DNAH7: variants seen among roughly 807,000 people sequenced by gnomAD.
DNAH7 encodes dynein axonemal heavy chain 7.
In DNAH7, 397 loss-of-function variants were observed where a neutral mutation model predicts 444.6. That is an observed-to-expected ratio of 0.89 (90% confidence interval 0.82 to 0.97). The LOEUF is 0.97. Among genes scored for constraint, DNAH7 ranks in the 50% least tolerant of loss-of-function variants. The probability of loss-of-function intolerance (pLI) is 0.00; values close to 1 mark genes in which losing one functional copy is unlikely to be tolerated. For missense variants in DNAH7, 4,902 were observed against 4,800.8 expected (o/e 1.02, Z -0.62); for synonymous variants, 1,636 against 1,624.4 (o/e 1.01, Z -0.17).
intron 61 of DNAH7, among the ~76,000 whole-genome samples, chr2:195,764,735 A>C (rs1694496532): frequency 6.6e-6 from 1 of 152,100 alleles, no homozygotes; most frequent in Non-Finnish European, 1.5e-5. Context: ...AAATTGAAGA[A>C]GACACAGTAA....
chr2:195,940,123 T>C (rs1234591879), intron 19 of DNAH7, among the ~76,000 whole-genome samples: 2 of 152,134 alleles, frequency 1.3e-5, no homozygotes, highest in Non-Finnish European at 2.9e-5. Context: ...CTTCAAACTA[T>C]ACTACAAGGC....
intron 8 of DNAH7, among the ~76,000 whole-genome samples, chr2:196,020,429 C>A (rs777923188): frequency 6.6e-6 from 1 of 151,956 alleles, no homozygotes; most frequent in African/African-American, 2.4e-5. Flanking sequence ...TAAACATTTA[C>A]ATTTTCTGTG....
intron 20 of DNAH7, among the ~76,000 whole-genome samples, chr2:195,935,053 C>T (rs994117550): frequency 4.6e-5 from 7 of 152,148 alleles, no homozygotes; most frequent in South Asian, 2.1e-4. Flanking sequence ...GAGACAACCA[C>T]GAGGCTTTGT....
chr2:196,004,884 C>T (rs1694264378), intron 10 of DNAH7, among the ~76,000 whole-genome samples: 1 of 149,166 alleles, frequency 6.7e-6, no homozygotes, highest in African/African-American at 2.5e-5. Flanking sequence ...TGGCTTGGGC[C>T]CAGGAGGTCA....
chr2:195,979,156 T>C (rs934002102), intron 15 of DNAH7, among the ~76,000 whole-genome samples: 10 of 152,156 alleles, frequency 6.6e-5, no homozygotes, highest in Non-Finnish European at 1.5e-4. Flanking sequence ...TTTCATCCAA[T>C]GGCTGCAAAA....
chr2:195,921,334 G>T (rs879804593), intron 24 of DNAH7, among the ~76,000 whole-genome samples: 1 of 143,640 alleles, frequency 7.0e-6, no homozygotes, highest in Non-Finnish European at 1.5e-5. Flanking sequence ...TCAATGAGTG[G>T]ATAAAGAAAA....
intron 63 of DNAH7, 150 bp downstream of exon 63, chr2:195,754,187 C>G (rs1032527934): frequency 3.7e-6 from 3 of 807,454 alleles, no homozygotes; most frequent in African/African-American, 3.5e-5. Flanking sequence ...CTCATTTGCT[C>G]TCTGTATCTC....
chr2:195,947,096 T>C (rs1414871407), intron 19 of DNAH7, among the ~76,000 whole-genome samples: 1 of 147,982 alleles, frequency 6.8e-6, no homozygotes, highest in Non-Finnish European at 1.5e-5. Flanking sequence ...TATATATTTA[T>C]ATAATTATAA....
intron 36 of DNAH7, among the ~76,000 whole-genome samples, chr2:195,879,961 T>G (rs567379302): frequency 1.6e-4 from 24 of 152,338 alleles, no homozygotes; most frequent in African/African-American, 5.8e-4. Context: ...TGTCTTCAGT[T>G]AATTTTTTTT....
chr2:195,882,324 A>G (rs2125177246), intron 35 of DNAH7, among the ~76,000 whole-genome samples: 1 of 152,346 alleles, frequency 6.6e-6, no homozygotes, highest in South Asian at 2.1e-4. Context: ...CAATAGGCTA[A>G]AGAGTAAAGA....
chr2:195,957,164 G>C, intron 19 of DNAH7, 97 bp downstream of exon 19: 1 of 1,032,236 alleles, frequency 9.7e-7, no homozygotes, highest in Non-Finnish European at 1.3e-6. Context: ...ACAGATAATG[G>C]CTTATTGGAA....
At chr2:195,799,549 G>C (rs185897629) in intron 54 of DNAH7, 77 bp from the exon 55 acceptor site, 1 of 1,320,198 alleles carries the variant, frequency 7.6e-7, no homozygotes, top group East Asian at 2.6e-5. Context: ...ATTCAAAGGA[G>C]TTTTAAAACA....
chr2:195,988,092 A>G lies in DNAH7; in HGVS notation c.1491T>C (p.Tyr497=). The change falls in exon 13 of 65, where the codon TAT becomes TAC. Residue 497 remains tyrosine, a synonymous_variant. Transcript: ENST00000312428. ...CAGCTTTTCTGGTAATTAAAAAGTCATACTTGTCATAGAGTCTGAGGTGCT... is the reference window on the plus strand; with the variant it reads ...CAGCTTTTCTGGTAATTAAAAAGTCGTACTTGTCATAGAGTCTGAGGTGCT... The part of the protein sequence containing the change: ...PTEHLRLYDK[Y]DFLITRKAER... 1 of 1,613,800 alleles carries G rather than the reference A, an allele frequency of 6.2e-7. No homozygotes were observed. The highest frequency in any genetic ancestry group is 1.1e-5 in the South Asian group (1 of 91,064).
chr2:196,005,097 C>T (rs958808668), intron 10 of DNAH7, among the ~76,000 whole-genome samples: 2 of 151,702 alleles, frequency 1.3e-5, no homozygotes, highest in African/African-American at 4.8e-5. Context: ...CGTGAAACCC[C>T]GTTTCTACTA....
At chr2:195,901,575 T>C (rs1050564353) in intron 27 of DNAH7, 2 of 152,160 alleles carry the variant, frequency 1.3e-5, no homozygotes, top group Admixed American at 6.5e-5. Flanking sequence ...TGTTCAAAAG[T>C]TGGGTTTCTC....
chr2:196,008,704 C>T (rs1052451971), intron 10 of DNAH7, among the ~76,000 whole-genome samples: 2 of 152,132 alleles, frequency 1.3e-5, no homozygotes, highest in South Asian at 2.1e-4. Flanking sequence ...TTCACTGAGA[C>T]GAAATGTCCA....
chr2:195,803,116 G>A (rs2124825263), intron 54 of DNAH7, among the ~76,000 whole-genome samples: 1 of 152,124 alleles, frequency 6.6e-6, no homozygotes, highest in Non-Finnish European at 1.5e-5. Flanking sequence ...TCCTATAGCT[G>A]GTCTTTTCTC....
intron 61 of DNAH7, among the ~76,000 whole-genome samples, chr2:195,762,992 A>C (rs1694418238): frequency 6.6e-6 from 1 of 152,206 alleles, no homozygotes; most frequent in Non-Finnish European, 1.5e-5. Flanking sequence ...TATCCAAAAA[A>C]ATGAAATAAT....
intron 33 of DNAH7, 43 bp downstream of exon 33, chr2:195,888,215 T>C (rs993619608): frequency 6.6e-7 from 1 of 1,507,330 alleles, no homozygotes. Flanking sequence ...CTAATTTGAG[T>C]TTTCCATTTA....
Sources: allele counts gnomAD v4.1 joint callset (sites outside exome capture counted in the v4.1 genomes callset), GRCh38; gene constraint gnomAD v4.1.1; transcripts MANE v1.5; gene names NCBI Gene and HGNC (gene_info 2026-07-23, HGNC 2026-07-21).